The following LAMA2 variants were observed in gnomAD, a reference collection of about 807,000 sequenced individuals.
LAMA2 encodes the protein laminin subunit alpha 2, also known as laminin subunit alpha-2.
Under a neutral mutation model 364.8 loss-of-function variants are expected in LAMA2, and 269 were observed. That is an observed-to-expected ratio of 0.74 (90% CI 0.67 to 0.82). The LOEUF (loss-of-function observed/expected upper bound fraction) is 0.82, where lower values mean the gene tolerates loss of function less well. Among genes scored for constraint, LAMA2 ranks in the 40% least tolerant of loss-of-function variants. The pLI is 0.00. For synonymous variants in LAMA2, 1,379 were observed against 1,370.6 expected (o/e 1.01, Z -0.14); for missense variants, 3,807 against 3,873.2 (o/e 0.98, Z 0.45).
Position 129,454,249 on chromosome 6 carries a change from C to A in LAMA2, c.6668C>A (p.Thr2223Asn), listed in dbSNP as rs1301243594. The A allele has an allele frequency of 6.2e-7, 1 of 1,611,850 alleles. No individual in the cohort carries two copies. Among genetic ancestry groups the A allele is most frequent in the African/African-American group, 1.3e-5 (1 of 74,814 alleles). ...GGACGTGTAGAGTACCCAGATTTGA[C>A]TATTGATGACTCATATTGGTACCGT... is the stretch of plus-strand genomic sequence containing the variant. ...GVGRVEYPDL[T>N]IDDSYWYRIV... is the part of the protein sequence containing the mutation. Residue 2223 changes from threonine (T) to asparagine (N), a missense_variant, in exon 47 of 65, where the codon ACT becomes AAT. Physicochemically the swap from Thr to Asn is moderately conservative, Grantham distance 65 (BLOSUM62 0). Around this residue, in one of 3 missense-constraint regions of LAMA2, gnomAD observed 3,333 missense variants for 3,345.7 expected, o/e 1.00. Coordinates refer to ENST00000421865, the MANE Select transcript of LAMA2 (RefSeq NM_000426.4).
chr6:129,399,110 C>T (rs1401853247), intron 37 of LAMA2, among the ~76,000 whole-genome samples: 1 of 152,106 alleles, frequency 6.6e-6, no homozygotes, highest in Non-Finnish European at 1.5e-5. Flanking sequence ...ATTTTTATTA[C>T]CTAATCTTTG....
intron 35 of LAMA2, among the ~76,000 whole-genome samples, chr6:129,391,276 T>C (rs1779302959): frequency 6.6e-6 from 1 of 152,234 alleles, no homozygotes. Context: ...CTTTAATTGC[T>C]GTAACCCCCA....
At chr6:129,437,022 C>G (rs1357348507) in intron 41 of LAMA2, 3 of 151,892 alleles carry the variant, frequency 2.0e-5, no homozygotes, top group Non-Finnish European at 4.4e-5. Context: ...TTTAAGACAA[C>G]AAAGGAGAAA....
intron 12 of LAMA2, among the ~76,000 whole-genome samples, chr6:129,217,777 T>A (rs1192520930): frequency 6.6e-6 from 1 of 152,170 alleles, no homozygotes; most frequent in Non-Finnish European, 1.5e-5. Flanking sequence ...CCCCAGGATA[T>A]AATCTACTGT....
chr6:129,096,956 C>T (rs140526161), intron 3 of LAMA2, among the ~76,000 whole-genome samples: 19 of 152,244 alleles, frequency 1.2e-4, no homozygotes, highest in Non-Finnish European at 2.4e-4. Flanking sequence ...ATCCTATACA[C>T]GTATGCATGA....
At chr6:129,314,321 C>A (rs2114497690) in intron 23 of LAMA2, among the ~76,000 whole-genome samples, 1 of 142,710 alleles carries the variant, frequency 7.0e-6, no homozygotes. Flanking sequence ...ATGGTGTGAA[C>A]CTGGGAGGCG....
chr6:129,457,046 G>C (rs1343759800), intron 48 of LAMA2, among the ~76,000 whole-genome samples: 1 of 152,110 alleles, frequency 6.6e-6, no homozygotes, highest in Non-Finnish European at 1.5e-5. Flanking sequence ...TTTTAAAGAA[G>C]CTTGTGTTGA....
intron 61 of LAMA2, among the ~76,000 whole-genome samples, chr6:129,506,221 T>C (rs916453117): frequency 2.0e-5 from 3 of 151,814 alleles, no homozygotes; most frequent in African/African-American, 7.3e-5. Context: ...GGTGTGGTGG[T>C]GTGTGTCTGT....
chr6:129,183,100 T>C (rs928358231), intron 10 of LAMA2, among the ~76,000 whole-genome samples: 13 of 152,084 alleles, frequency 8.5e-5, no homozygotes, highest in Admixed American at 8.5e-4. Flanking sequence ...CTCAAGACAC[T>C]CAAATGTTTA....
chr6:129,471,834 G>T (rs747995786), intron 51 of LAMA2, among the ~76,000 whole-genome samples: 31 of 151,794 alleles, frequency 2.0e-4, no homozygotes, highest in Admixed American at 3.3e-4. Flanking sequence ...CAAAAGTCTG[G>T]TTTGAGGTGT....
chr6:129,208,609 AAG>A (rs1490374937), intron 12 of LAMA2, among the ~76,000 whole-genome samples: 2 of 140,094 alleles, frequency 1.4e-5, no homozygotes. Flanking sequence ...GAGAGGGAGA[AAG>A]AATGGAAGAA....
At chr6:128,942,633 T>C (rs961553300) in intron 1 of LAMA2, among the ~76,000 whole-genome samples, 1 of 152,202 alleles carries the variant, frequency 6.6e-6, no homozygotes, top group African/African-American at 2.4e-5. Flanking sequence ...TTTCTTCTAG[T>C]TGATGCTTCT....
intron 1 of LAMA2, among the ~76,000 whole-genome samples, chr6:128,971,066 C>T (rs765323751): frequency 7.2e-5 from 11 of 152,142 alleles, no homozygotes; most frequent in Admixed American, 1.3e-4. Flanking sequence ...AAGATTTGTG[C>T]GTCCTTAGCT....
At chr6:129,163,775 A>G (rs1037343050) in intron 8 of LAMA2, among the ~76,000 whole-genome samples, 1 of 152,058 alleles carries the variant, frequency 6.6e-6, no homozygotes, top group African/African-American at 2.4e-5. Flanking sequence ...TAGGTTGACT[A>G]CTCTTCCTCC....
In LAMA2 at chr6:129,039,628, G is replaced by A. The variant is rs562487449; in HGVS notation, c.113-10290G>A. Among the ~76,000 whole-genome samples, 12 of 152,312 alleles carry A rather than the reference G, an allele frequency of 7.9e-5. No homozygotes were observed. In the South Asian group the frequency reaches 2.5e-3, roughly 32 times the overall value. On this transcript the variant is annotated intron_variant, in intron 1 of 64. Coordinates refer to ENST00000421865, the MANE Select transcript of LAMA2 (RefSeq NM_000426.4). Reference sequence around the variant, plus strand: ...AGGGCAGTGGTGCTCAACCTGTTTGGCACCAGGGACCAGTTTTGTGGAAGA... The same window carrying A: ...AGGGCAGTGGTGCTCAACCTGTTTGACACCAGGGACCAGTTTTGTGGAAGA...
At chr6:128,993,369 T>C (rs1783724780) in intron 1 of LAMA2, among the ~76,000 whole-genome samples, 1 of 152,216 alleles carries the variant, frequency 6.6e-6, no homozygotes, top group South Asian at 2.1e-4. Flanking sequence ...ATGGTGCTTC[T>C]GTGTTGCTAG....
chr6:128,940,731 C>T (rs898427800), intron 1 of LAMA2, among the ~76,000 whole-genome samples: 81 of 152,224 alleles, frequency 5.3e-4, no homozygotes, highest in African/African-American at 1.3e-3. Context: ...GTGAGAGAAT[C>T]GCTTGAGCTC....
At chr6:129,417,376 C>T (rs1303163675) in intron 40 of LAMA2, among the ~76,000 whole-genome samples, 2 of 152,104 alleles carry the variant, frequency 1.3e-5, no homozygotes, top group Non-Finnish European at 2.9e-5. Flanking sequence ...AGCTCCTATC[C>T]ACAGGTAGAT....
intron 41 of LAMA2, among the ~76,000 whole-genome samples, chr6:129,436,534 G>C (rs957224165): frequency 4.6e-5 from 7 of 151,990 alleles, no homozygotes; most frequent in Admixed American, 1.3e-4. Flanking sequence ...GAGCTAATGA[G>C]TATCCCCAAA....
Sources: gnomAD v4.1 joint callset for allele counts (sites outside exome capture counted in the v4.1 genomes callset) on GRCh38, gnomAD v4.1.1 for gene constraint, gnomAD v4.1.1 regional missense constraint, MANE v1.5 for transcripts, NCBI Gene and HGNC (gene_info 2026-07-23, HGNC 2026-07-21) for gene names.